The following CCDC88A variants were observed in gnomAD, a reference collection of about 807,000 sequenced individuals.
CCDC88A encodes the protein coiled-coil and HOOK domain protein 88A.
A neutral mutation model predicts 234.3 loss-of-function variants in CCDC88A; 54 were observed. The observed-to-expected ratio is 0.23, with a 90% confidence interval of 0.19 to 0.29. The LOEUF is 0.29. CCDC88A is among the 10% of genes least tolerant of loss of function. The probability of loss-of-function intolerance (pLI) is 1.00; values close to 1 mark genes in which losing one functional copy is unlikely to be tolerated. For synonymous variants in CCDC88A, 753 were observed against 737.8 expected (o/e 1.02, Z -0.33); for missense variants, 1,832 against 2,123.4 (o/e 0.86, Z 2.70).
At chr2:55,398,521 G>C (rs148589332) in intron 2 of CCDC88A, among the ~76,000 whole-genome samples, 4 of 152,282 alleles carry the variant, frequency 2.6e-5, no homozygotes, top group African/African-American at 9.6e-5. Flanking sequence ...GGGCCATACT[G>C]ACACATGTTA....
At chr2:55,357,578 ACTGT>A (rs1285579170) in intron 7 of CCDC88A, among the ~76,000 whole-genome samples, 1 of 152,156 alleles carries the variant, frequency 6.6e-6, no homozygotes, top group Non-Finnish European at 1.5e-5. Flanking sequence ...AGGCAAATAA[ACTGT>A]CTTACATAGC....
intron 2 of CCDC88A, among the ~76,000 whole-genome samples, chr2:55,393,122 G>C (rs886623247): frequency 6.6e-6 from 1 of 151,358 alleles, no homozygotes; most frequent in African/African-American, 2.4e-5. Context: ...ATTTCCATTG[G>C]TAAAATTTTA....
intron 31 of CCDC88A, chr2:55,294,552 CT>C: frequency 1.0e-6 from 1 of 982,474 alleles, no homozygotes; most frequent in Non-Finnish European, 1.2e-6. Context: ...AAAACAACAT[CT>C]TTTTACATTT....
intron 31 of CCDC88A, chr2:55,294,348 T>C (rs1679778874): frequency 1.0e-6 from 1 of 983,128 alleles, no homozygotes; most frequent in Non-Finnish European, 1.2e-6. Context: ...CAAATGTTCC[T>C]AGTCACTGTG....
chr2:55,412,334 G>C (rs565141505), intron 2 of CCDC88A, among the ~76,000 whole-genome samples: 3 of 152,180 alleles, frequency 2.0e-5, no homozygotes, highest in African/African-American at 7.2e-5. Flanking sequence ...GCAGGAATTG[G>C]TTAGTCAAAG....
intron 3 of CCDC88A, among the ~76,000 whole-genome samples, chr2:55,387,844 A>G (rs529736670): frequency 6.6e-6 from 1 of 152,032 alleles, no homozygotes; most frequent in East Asian, 1.9e-4. Flanking sequence ...ACAATTACTG[A>G]TAAATAATCA....
Position 55,374,105 on chromosome 2 carries a change from G to A in CCDC88A, c.343+709C>T, listed in dbSNP as rs554084145. On this transcript the variant is annotated intron_variant, in intron 4 of 32. Coordinates refer to ENST00000436346, the MANE Select transcript of CCDC88A (RefSeq NM_001365480.1). ...TAAAACATATCAGACTGGGCGTGGT[G>A]GCTCATGCCTCTAATCCCAGCACTT... Among the ~76,000 whole-genome samples, 6 of 152,324 alleles carry A rather than the reference G, an allele frequency of 3.9e-5. No homozygotes were observed. The South Asian group carries it at 1.2e-3, about 32-fold the overall frequency.
intron 5 of CCDC88A, among the ~76,000 whole-genome samples, chr2:55,370,727 G>A (rs747027744): frequency 6.6e-6 from 1 of 151,066 alleles, no homozygotes; most frequent in Admixed American, 6.6e-5. Flanking sequence ...ACCCTTTGGG[G>A]CCAGGCAGGG....
intron 2 of CCDC88A, among the ~76,000 whole-genome samples, chr2:55,398,754 A>C (rs1678061994): frequency 6.6e-6 from 1 of 152,084 alleles, no homozygotes; most frequent in Non-Finnish European, 1.5e-5. Flanking sequence ...CTCCACAAAA[A>C]AATTTAAAAA....
intron 8 of CCDC88A, among the ~76,000 whole-genome samples, chr2:55,351,676 A>T (rs1669903889): frequency 6.6e-6 from 1 of 152,232 alleles, no homozygotes; most frequent in Non-Finnish European, 1.5e-5. Flanking sequence ...CATATAATTC[A>T]GCAGCATTAA....
chr2:55,319,149 AC>A (rs112555790), intron 18 of CCDC88A, 145 bp from the exon 19 acceptor site: 2 of 615,244 alleles, frequency 3.3e-6, no homozygotes, highest in Non-Finnish European at 5.0e-6. Context: ...GAGAAAAAAA[AC>A]CAAAACATTT....
chr2:55,367,579 G>T (rs1672208880), intron 5 of CCDC88A, among the ~76,000 whole-genome samples: 1 of 118,120 alleles, frequency 8.5e-6, no homozygotes, highest in Non-Finnish European at 1.7e-5. Context: ...GGAACACAGT[G>T]GTTATTCACA....
intron 3 of CCDC88A, among the ~76,000 whole-genome samples, chr2:55,376,713 T>C (rs2104837767): frequency 6.6e-6 from 1 of 152,382 alleles, no homozygotes; most frequent in East Asian, 1.9e-4. Context: ...CCAGAAATGA[T>C]ATAGAGTTTG....
At chr2:55,302,836 G>T in intron 26 of CCDC88A, 11 of 264,444 alleles carry the variant, frequency 4.2e-5, no homozygotes, top group East Asian at 1.3e-4. Context: ...GGAAATTTAC[G>T]AGTAAGTTAC....
At position 55,419,225 on chromosome 2, in the gene CCDC88A, C is replaced by A; in HGVS notation, c.-146G>T. ...CATCGTGGAGGAGGGGGGCACTCTC[C>A]CTCCTCAAAAAACACCCCAGAGTGA... On this transcript the variant is annotated 5_prime_UTR_variant, in exon 1 of 33. Transcript: ENST00000436346. 1.6e-6 allele frequency: 1 copy of A among 617,702 alleles called. No homozygotes were observed. The highest frequency in any genetic ancestry group is 2.8e-5 in the East Asian group (1 of 36,246). 38.3% of individuals were successfully genotyped at this position (617,702 alleles called of 1,614,324 possible). A position where few individuals can be genotyped will look rare whatever the true frequency, so the allele number is the denominator to read the frequency against.
intron 18 of CCDC88A, 29 bp downstream of exon 18, chr2:55,322,499 T>C: frequency 7.3e-7 from 1 of 1,361,996 alleles, no homozygotes; most frequent in Non-Finnish European, 1.0e-6. Context: ...TAAAAAAAAC[T>C]ATTTCTACTA....
chr2:55,385,909 G>A lies in CCDC88A; in HGVS notation c.273+2869C>T, dbSNP rs143885864. ...CAGCTTAAGTAACAAAAATTAGAGA[G>A]CTAACTTCTCCAGAGCAAAAAGAAT... On this transcript the variant is annotated intron_variant, in intron 3 of 32. Transcript: ENST00000436346. Among the ~76,000 whole-genome samples the A allele has an allele frequency of 2.0e-3, 270 of 135,794 alleles. 2 individuals are homozygous for A. The highest frequency in any genetic ancestry group is 7.3e-3 in the African/African-American group (265 of 36,470). 89.1% of individuals were successfully genotyped at this position (135,794 alleles called of 152,430 possible). A position where few individuals can be genotyped will look rare whatever the true frequency, so the allele number is the denominator to read the frequency against.
At chr2:55,415,951 C>A (rs1681302205) in intron 2 of CCDC88A, among the ~76,000 whole-genome samples, 1 of 151,876 alleles carries the variant, frequency 6.6e-6, no homozygotes, top group Non-Finnish European at 1.5e-5. Flanking sequence ...ACAAAAATAT[C>A]CAGCGCCAAA....
intron 2 of CCDC88A, among the ~76,000 whole-genome samples, chr2:55,398,802 C>T (rs1240234994): frequency 6.6e-6 from 1 of 151,842 alleles, no homozygotes; most frequent in Non-Finnish European, 1.5e-5. Context: ...GAGTTTGAGG[C>T]TGCAGTGGAC....
Sources: allele counts gnomAD v4.1 joint callset (sites outside exome capture counted in the v4.1 genomes callset), GRCh38; gene constraint gnomAD v4.1.1; transcripts MANE v1.5; gene names NCBI Gene and HGNC (gene_info 2026-07-23, HGNC 2026-07-21).